Variants in UST observed in about 807,000 individuals in gnomAD.
UST encodes the protein uronyl 2-sulfotransferase, also known as chondroitin sulfate 2-O-sulfotransferase.
In UST, 21 loss-of-function variants were observed where a neutral mutation model predicts 45.6. The observed-to-expected ratio is 0.46, with a 90% confidence interval of 0.33 to 0.66. The LOEUF (loss-of-function observed/expected upper bound fraction) is 0.66. Ranked by LOEUF, UST falls within the 30% of genes least tolerant of loss-of-function variation. UST has a pLI of 0.02. For missense variants in UST, 463 were observed against 512.4 expected (o/e 0.90, Z 0.93); for synonymous variants, 215 against 200.6 (o/e 1.07, Z -0.61).
chr6:149,045,765 A>G (rs1469179532), intron 7 of UST, among the ~76,000 whole-genome samples: 2 of 152,164 alleles, frequency 1.3e-5, no homozygotes, highest in African/African-American at 4.8e-5. Context: ...ACCCCCTTCT[A>G]GTTCTCCATT....
rs377135988 is a variant in UST, at chr6:148,961,225, A to G, written c.528-3185A>G. Among the ~76,000 whole-genome samples the G allele has an allele frequency of 1.8e-4, 28 of 152,368 alleles. 1 individual carries two copies. In the South Asian group the frequency reaches 5.4e-3, roughly 29 times the overall value. ...AATAGGATCTGTCAACAAATGTCGA[A>G]GAAATTGGTAATGCCTGCTATTTTA... On this transcript the variant is annotated intron_variant, in intron 4 of 7. Coordinates refer to ENST00000367463, the MANE Select transcript of UST (RefSeq NM_005715.3).
intron 5 of UST, among the ~76,000 whole-genome samples, chr6:148,989,713 C>G (rs1365924098): frequency 6.6e-6 from 1 of 152,162 alleles, no homozygotes; most frequent in Non-Finnish European, 1.5e-5. Flanking sequence ...AACTGAGAAG[C>G]CAAAGCTAAT....
chr6:149,073,995 A>G lies in UST; in HGVS notation c.1100A>G (p.His367Arg). Residue 367 changes from histidine to arginine, a missense_variant, in exon 8 of 8, where the codon CAC becomes CGC. By Grantham distance (29) the His-to-Arg change is conservative. Transcript: ENST00000367463. ...AAGCGCAAGTTTGGACTTAAGTCTC[A>G]CGTCAGCAAGCCCCCCCTGAGGCCA... Reference protein sequence around the residue: ...LLKRKFGLKSHVSKPPLRPHF... With the variant: ...LLKRKFGLKSRVSKPPLRPHF... The G allele has an allele frequency of 2.5e-6, 4 of 1,614,188 alleles. No homozygotes were observed. The highest frequency in any genetic ancestry group is 3.4e-6 in the Non-Finnish European group (4 of 1,180,022).
chr6:148,871,014 T>G (rs987121775), intron 1 of UST, among the ~76,000 whole-genome samples: 1 of 152,054 alleles, frequency 6.6e-6, no homozygotes, highest in Non-Finnish European at 1.5e-5. Flanking sequence ...TGTGATGATA[T>G]TTGGAGGTGG....
chr6:148,886,855 C>A, intron 1 of UST, 131 bp from the exon 2 acceptor site: 1 of 753,072 alleles, frequency 1.3e-6, no homozygotes, highest in South Asian at 1.6e-5. Context: ...TGATTAATTC[C>A]CCATTTTTCT....
intron 5 of UST, among the ~76,000 whole-genome samples, chr6:148,984,617 C>T (rs903554313): frequency 1.3e-5 from 2 of 152,184 alleles, no homozygotes; most frequent in Non-Finnish European, 2.9e-5. Context: ...TCACTGCAGC[C>T]TCAAACCCCT....
intron 2 of UST, among the ~76,000 whole-genome samples, chr6:148,929,108 G>A (rs1779874015): frequency 6.6e-6 from 1 of 152,208 alleles, no homozygotes; most frequent in South Asian, 2.1e-4. Flanking sequence ...ATGAACAGGT[G>A]TTTGAAGAAT....
At chr6:148,915,215 A>C (rs762406181) in intron 2 of UST, among the ~76,000 whole-genome samples, 5 of 152,240 alleles carry the variant, frequency 3.3e-5, no homozygotes, top group African/African-American at 4.8e-5. Context: ...ATTGGACTAC[A>C]TGTCATAGAA....
intron 1 of UST, among the ~76,000 whole-genome samples, chr6:148,869,362 G>C (rs1778507224): frequency 6.6e-6 from 1 of 152,086 alleles, no homozygotes; most frequent in Non-Finnish European, 1.5e-5. Context: ...ATAGGAAAAG[G>C]AGAGTGATGA....
chr6:149,010,800 G>A (rs961214830), intron 5 of UST, among the ~76,000 whole-genome samples: 5 of 147,734 alleles, frequency 3.4e-5, no homozygotes, highest in African/African-American at 1.2e-4. Context: ...GGCTGAGGCA[G>A]GAGAATCGCT....
At chr6:148,778,904 T>C (rs368000183) in intron 1 of UST, among the ~76,000 whole-genome samples, 2 of 152,074 alleles carry the variant, frequency 1.3e-5, no homozygotes, top group African/African-American at 2.4e-5. Context: ...CCAGATTGCA[T>C]TGGTTGAGCG....
intron 1 of UST, 151 bp downstream of exon 1, chr6:148,747,828 C>A: frequency 9.4e-7 from 1 of 1,062,022 alleles, no homozygotes; most frequent in Non-Finnish European, 1.2e-6. Flanking sequence ...ATCTGTGCCG[C>A]GGTCGGGAGC....
chr6:148,810,534 T>G (rs1167309865), intron 1 of UST, among the ~76,000 whole-genome samples: 1 of 152,172 alleles, frequency 6.6e-6, no homozygotes, highest in Non-Finnish European at 1.5e-5. Context: ...TGGCTATTAT[T>G]AGGAAAATTG....
chr6:148,833,138 T>G (rs1777720468), intron 1 of UST, among the ~76,000 whole-genome samples: 1 of 152,108 alleles, frequency 6.6e-6, no homozygotes, highest in South Asian at 2.1e-4. Flanking sequence ...TATCATAGGG[T>G]ATAATGAAAC....
intron 7 of UST, among the ~76,000 whole-genome samples, chr6:149,038,426 A>T (rs959639835): frequency 6.6e-6 from 1 of 151,286 alleles, no homozygotes; most frequent in Non-Finnish European, 1.5e-5. Flanking sequence ...GTGAAGATGG[A>T]GGCAGAGACT....
At chr6:148,861,151 T>C (rs537532296) in intron 1 of UST, among the ~76,000 whole-genome samples, 1 of 152,368 alleles carries the variant, frequency 6.6e-6, no homozygotes, top group South Asian at 2.1e-4. Context: ...TGGTAGGCTA[T>C]TAATTATTGC....
At chr6:148,866,324 A>C (rs1778430015) in intron 1 of UST, among the ~76,000 whole-genome samples, 1 of 152,208 alleles carries the variant, frequency 6.6e-6, no homozygotes, top group Admixed American at 6.5e-5. Context: ...ATACAGACAG[A>C]AAAAACCAGT....
intron 1 of UST, among the ~76,000 whole-genome samples, chr6:148,848,284 ATAGT>A (rs1224054717): frequency 2.6e-5 from 4 of 152,176 alleles, no homozygotes; most frequent in African/African-American, 7.2e-5. Context: ...TGACCATGGT[ATAGT>A]TATTCTACCC....
intron 2 of UST, among the ~76,000 whole-genome samples, chr6:148,906,597 C>T (rs1345234289): frequency 3.3e-5 from 5 of 152,064 alleles, no homozygotes; most frequent in Admixed American, 1.3e-4. Flanking sequence ...AAAGTGATTG[C>T]GGTTTTTGTC....
Sources: gnomAD v4.1 joint callset for allele counts (sites outside exome capture counted in the v4.1 genomes callset) on GRCh38, gnomAD v4.1.1 for gene constraint, MANE v1.5 for transcripts, NCBI Gene and HGNC (gene_info 2026-07-23, HGNC 2026-07-21) for gene names.